The following RNF17 variants were observed in gnomAD, a reference collection of about 807,000 sequenced individuals.
The protein encoded by RNF17 is spermatogenesis associated 23.
A neutral mutation model predicts 200.5 loss-of-function variants in RNF17; 31 were observed. That is an observed-to-expected ratio of 0.15 (90% CI 0.12 to 0.21). The LOEUF is 0.21. Ranked by LOEUF, RNF17 falls within the 10% of genes least tolerant of loss-of-function variation. RNF17 has a pLI of 1.00. For missense variants in RNF17, 1,628 were observed against 1,905.1 expected (o/e 0.85, Z 2.71); for synonymous variants, 606 against 637.8 (o/e 0.95, Z 0.75).
chr13:24,875,338 T>C (rs1183557544), intron 33 of RNF17, among the ~76,000 whole-genome samples: 1 of 152,196 alleles, frequency 6.6e-6, no homozygotes, highest in Non-Finnish European at 1.5e-5. Context: ...AGTTTACAAA[T>C]GGATAGCTTG....
At chr13:24,758,162 G>A in the RNF17 span, among the ~76,000 whole-genome samples, 1 of 152,136 alleles carries the variant, frequency 6.6e-6, no homozygotes, top group African/African-American at 2.4e-5. Context: ...AAATTACCCA[G>A]TTTCAGGTAT....
intron 22 of RNF17, among the ~76,000 whole-genome samples, chr13:24,845,777 A>G (rs1891194863): frequency 6.6e-6 from 1 of 152,232 alleles, no homozygotes; most frequent in Non-Finnish European, 1.5e-5. Context: ...AAATGTGCCA[A>G]ACTCCCACAA....
chr13:24,883,327 T>C (rs764577791), downstream of RNF17: 1 of 1,613,956 alleles, frequency 6.2e-7, no homozygotes, highest in South Asian at 1.1e-5. Flanking sequence ...CAGTATGTAG[T>C]TCTCTTTGGC....
chr13:24,836,853 G>T (rs1468349263), intron 18 of RNF17, among the ~76,000 whole-genome samples: 1 of 152,118 alleles, frequency 6.6e-6, no homozygotes, highest in Non-Finnish European at 1.5e-5. Context: ...AGAGCACCAT[G>T]AATGCAATGG....
intron 15 of RNF17, among the ~76,000 whole-genome samples, chr13:24,812,978 G>A (rs566123239): frequency 1.5e-4 from 23 of 151,822 alleles, no homozygotes; most frequent in Middle Eastern, 3.4e-3. Context: ...CACCGCGCCC[G>A]GCCAATAGCA....
chr13:24,881,929 T>A (rs1184615179), downstream of RNF17, among the ~76,000 whole-genome samples: 1 of 114,326 alleles, frequency 8.7e-6, no homozygotes, highest in African/African-American at 3.2e-5. Context: ...TATATAGATA[T>A]ATAGATACAT....
At chr13:24,884,142 G>T, downstream of RNF17, 1 of 1,613,546 alleles carries the variant, frequency 6.2e-7, no homozygotes, top group South Asian at 1.1e-5. Context: ...TTTAATGAGA[G>T]GGTGGAGCAA....
intron 25 of RNF17, 34 bp from the exon 26 acceptor site, chr13:24,858,967 C>T: frequency 7.3e-7 from 1 of 1,372,598 alleles, no homozygotes; most frequent in Non-Finnish European, 1.0e-6. Context: ...GGGAATTTTC[C>T]TTAATGCTTT....
intron 10 of RNF17, among the ~76,000 whole-genome samples, chr13:24,794,786 G>A (rs12867556): frequency 0.23 from 34,950 of 152,006 alleles, 4,464 homozygotes; most frequent in Non-Finnish European, 0.29. Flanking sequence ...GCAGTGGCGC[G>A]ATCCTGGCTC....
intron 18 of RNF17, among the ~76,000 whole-genome samples, chr13:24,840,261 T>C (rs1890475284): frequency 6.6e-6 from 1 of 152,154 alleles, no homozygotes; most frequent in Non-Finnish European, 1.5e-5. Context: ...AGGGAACACT[T>C]CTACACTGCT....
chr13:24,802,113 G>T (rs1009477048), intron 13 of RNF17, among the ~76,000 whole-genome samples: 6 of 152,076 alleles, frequency 3.9e-5, no homozygotes, highest in Non-Finnish European at 8.8e-5. Flanking sequence ...AGCCTCCCGA[G>T]TAGCTGGGAT....
intron 28 of RNF17, among the ~76,000 whole-genome samples, chr13:24,863,463 T>C (rs959364383): frequency 1.2e-4 from 18 of 152,052 alleles, no homozygotes; most frequent in Non-Finnish European, 2.4e-4. Context: ...GGCCGGTTGG[T>C]GGGGTTGGTA....
chr13:24,798,472 A>G (rs1884862478), intron 11 of RNF17, among the ~76,000 whole-genome samples: 1 of 152,192 alleles, frequency 6.6e-6, no homozygotes, highest in African/African-American at 2.4e-5. Flanking sequence ...TGTTGTTATT[A>G]GCATATACAG....
chr13:24,846,396 A>G (rs1408656096), intron 22 of RNF17, among the ~76,000 whole-genome samples: 2 of 152,228 alleles, frequency 1.3e-5, no homozygotes, highest in African/African-American at 4.8e-5. Flanking sequence ...TAAGCCAAAA[A>G]TAACTGGCCC....
rs148009711 is a variant in RNF17, at chr13:24,854,502, TTAAAG to T, written c.3610+364_3610+368del. ...TTAATGAACACTTACTGAGTTGGCA[TTAAAG>T]TAAAGAACATACCAAGCTCCAAAAC... On this transcript the variant is annotated intron_variant, in intron 25 of 35. Transcript: ENST00000255324. 9.3e-3 allele frequency among the ~76,000 whole-genome samples: 1,412 copies of T among 152,042 alleles called. 32 individuals carry two copies. The highest frequency in any genetic ancestry group is 0.032 in the African/African-American group (1,330 of 41,464).
intron 29 of RNF17, among the ~76,000 whole-genome samples, chr13:24,865,369 G>A (rs1366996414): frequency 2.6e-5 from 4 of 152,138 alleles, no homozygotes; most frequent in South Asian, 4.1e-4. Context: ...CACAAAAGCC[G>A]TGTATTACAA....
rs111414254 is a variant in RNF17 at position 24,852,497 on chromosome 13, A to G, written c.3320+926A>G. Among the ~76,000 whole-genome samples, 281 of 152,220 alleles carry G rather than the reference A, an allele frequency of 1.8e-3. 2 individuals are homozygous for G. Among genetic ancestry groups the G allele is most frequent in the African/African-American group, 6.0e-3 (251 of 41,548 alleles). On this transcript the variant is annotated intron_variant, in intron 24 of 35. Transcript: ENST00000255324. ...GTTGGAATTGGAGACACAAGTCCCA[A>G]TTAGCCACTTTGTACCATATATGGC... is the stretch of plus-strand genomic sequence containing the variant.
chr13:24,827,526 C>A (rs1219960623), intron 16 of RNF17, among the ~76,000 whole-genome samples: 1 of 151,300 alleles, frequency 6.6e-6, no homozygotes, highest in Non-Finnish European at 1.5e-5. Context: ...TAGAGTGAAA[C>A]CCCGTCTCTA....
chr13:24,882,205 T>G (rs201141091), downstream of RNF17: 1 of 15,876 alleles, frequency 6.3e-5, no homozygotes, highest in Non-Finnish European at 1.1e-4. Context: ...GATACATCTA[T>G]ATAGATAGAT....
Sources: allele counts gnomAD v4.1 joint callset (sites outside exome capture counted in the v4.1 genomes callset), GRCh38; gene constraint gnomAD v4.1.1; transcripts MANE v1.5; gene names NCBI Gene and HGNC (gene_info 2026-07-23, HGNC 2026-07-21).